The following ESRRG variants were observed in gnomAD, a reference collection of about 807,000 sequenced individuals.
ESRRG encodes the protein estrogen related receptor gamma.
Under a neutral mutation model 44.0 loss-of-function variants are expected in ESRRG, and 13 were observed. The ratio of observed to expected loss-of-function variants is 0.30; its 90% CI spans 0.19 to 0.47. The LOEUF is 0.47. ESRRG is among the 20% of genes least tolerant of loss of function. The probability of loss-of-function intolerance (pLI) is 1.00; values close to 1 mark genes in which losing one functional copy is unlikely to be tolerated. For synonymous variants in ESRRG, 215 were observed against 214.6 expected, an observed-to-expected ratio of 1.00 and a Z score of -0.02; for missense variants, 395 against 580.6, an observed-to-expected ratio of 0.68 and a Z score of 3.29.
chr1:216,604,799 T>C (rs2059708596), intron 3 of ESRRG, among the ~76,000 whole-genome samples: 1 of 152,238 alleles, frequency 6.6e-6, no homozygotes, highest in Non-Finnish European at 1.5e-5. Context: ...AATATTTGCC[T>C]GTTGTTCCTT....
intron 2 of ESRRG, among the ~76,000 whole-genome samples, chr1:216,838,342 G>T (rs2095600282): frequency 6.6e-6 from 1 of 152,142 alleles, no homozygotes; most frequent in Non-Finnish European, 1.5e-5. Flanking sequence ...TAAAAGTGTT[G>T]TCTTTAGTAC....
intron 2 of ESRRG, 151 bp downstream of exon 2, chr1:216,676,925 C>A: frequency 4.9e-6 from 3 of 618,068 alleles, no homozygotes; most frequent in South Asian, 4.2e-5. Flanking sequence ...TTCTATAAAT[C>A]TTCCACTATC....
At chr1:216,677,602 A>G in intron 1 of ESRRG, 111 bp from the exon 2 acceptor site, 1 of 948,718 alleles carries the variant, frequency 1.1e-6, no homozygotes, top group Non-Finnish European at 1.5e-6. Context: ...AGGGAAAGGG[A>G]AAGGTAAAAG....
chr1:216,702,064 A>C (rs896671796), intron 1 of ESRRG, among the ~76,000 whole-genome samples: 1 of 152,212 alleles, frequency 6.6e-6, no homozygotes, highest in African/African-American at 2.4e-5. Context: ...GATAATTATA[A>C]AGTCAGAATT....
At chr1:216,550,317 C>A (rs939408696) in intron 5 of ESRRG, among the ~76,000 whole-genome samples, 1 of 152,060 alleles carries the variant, frequency 6.6e-6, no homozygotes, top group African/African-American at 2.4e-5. Flanking sequence ...GGTTACTTAC[C>A]GATGTGACAC....
intron 1 of ESRRG, among the ~76,000 whole-genome samples, chr1:217,107,730 G>C (rs898593947): frequency 6.6e-6 from 1 of 152,136 alleles, no homozygotes; most frequent in Non-Finnish European, 1.5e-5. Context: ...ATGCACAAGG[G>C]CCATAGGATT....
intron 1 of ESRRG, among the ~76,000 whole-genome samples, chr1:216,692,444 T>C (rs192330893): frequency 3.3e-5 from 5 of 152,270 alleles, no homozygotes; most frequent in Admixed American, 2.6e-4. Flanking sequence ...AGTACAACTG[T>C]ACATGTTTGT....
intron 3 of ESRRG, among the ~76,000 whole-genome samples, chr1:216,588,466 C>G (rs527835484): frequency 1.3e-3 from 198 of 152,154 alleles, no homozygotes; most frequent in African/African-American, 4.3e-3. Flanking sequence ...AATTTTATGG[C>G]CTTTATGTTC....
intron 2 of ESRRG, among the ~76,000 whole-genome samples, chr1:216,858,553 A>G (rs555569007): frequency 6.6e-6 from 1 of 152,198 alleles, no homozygotes; most frequent in African/African-American, 2.4e-5. Flanking sequence ...AATGCTGGGC[A>G]TGGGCAGACC....
upstream of ESRRG, among the ~76,000 whole-genome samples, chr1:216,726,247 T>C (rs375121135): frequency 2.0e-5 from 3 of 152,196 alleles, no homozygotes; most frequent in African/African-American, 7.2e-5. Flanking sequence ...TATTTTCCCC[T>C]TGGGATCAAA....
intron 6 of ESRRG, among the ~76,000 whole-genome samples, chr1:216,515,271 A>G (rs1374466787): frequency 6.6e-6 from 1 of 151,976 alleles, no homozygotes; most frequent in African/African-American, 2.4e-5. Flanking sequence ...ACGTATGTAT[A>G]TATGTGTGTG....
At chr1:216,720,594 T>C (rs2086036823) in intron 1 of ESRRG, among the ~76,000 whole-genome samples, 1 of 152,096 alleles carries the variant, frequency 6.6e-6, no homozygotes, top group African/African-American at 2.4e-5. Flanking sequence ...ACTGTATAAA[T>C]TTTTTCTTTC....
At chr1:217,022,132 C>A (rs1252868421) in intron 1 of ESRRG, among the ~76,000 whole-genome samples, 1 of 152,170 alleles carries the variant, frequency 6.6e-6, no homozygotes, top group South Asian at 2.1e-4. Context: ...AAAAATAAGG[C>A]CATGAAATAA....
chr1:216,981,770 A>G (rs2074017089), intron 1 of ESRRG, among the ~76,000 whole-genome samples: 1 of 152,012 alleles, frequency 6.6e-6, no homozygotes, highest in Non-Finnish European at 1.5e-5. Context: ...GCATTTTCCA[A>G]ACCAAGACTT....
chr1:216,641,380 G>A (rs2066390879), intron 3 of ESRRG, among the ~76,000 whole-genome samples: 3 of 152,162 alleles, frequency 2.0e-5, no homozygotes, highest in Admixed American at 1.3e-4. Context: ...TGAGCCACAC[G>A]GATTACATGC....
intron 1 of ESRRG, among the ~76,000 whole-genome samples, chr1:217,040,720 G>T (rs1313584631): frequency 6.6e-6 from 1 of 152,052 alleles, no homozygotes; most frequent in Non-Finnish European, 1.5e-5. Context: ...AATTAAGGAG[G>T]TTCAGTAATT....
At position 216,709,056 on chromosome 1, in the gene ESRRG, G is replaced by A. The variant is rs540681752; in HGVS notation, c.56+14188C>T. On this transcript the variant is annotated intron_variant, in intron 1 of 6. Coordinates refer to ENST00000408911, the MANE Select transcript of ESRRG (RefSeq NM_001438.4). ...CAGGGAGGGGAACAACACACACTGGGGCCTGCAGGAGAGTGGGGGGCTAAG... is the reference window on the plus strand; with the variant it reads ...CAGGGAGGGGAACAACACACACTGGAGCCTGCAGGAGAGTGGGGGGCTAAG... Among the ~76,000 whole-genome samples the A allele has an allele frequency of 3.3e-5, 5 of 152,044 alleles. No homozygotes were observed. The East Asian group carries it at 9.7e-4, about 29-fold the overall frequency.
chr1:217,119,617 T>C (rs988755546), intron 1 of ESRRG, among the ~76,000 whole-genome samples: 2 of 152,248 alleles, frequency 1.3e-5, no homozygotes, highest in African/African-American at 4.8e-5. Flanking sequence ...TCTAGCATGA[T>C]CTCTGTATTT....
At chr1:216,717,602 A>G (rs1243688215) in intron 1 of ESRRG, among the ~76,000 whole-genome samples, 1 of 151,830 alleles carries the variant, frequency 6.6e-6, no homozygotes, top group Non-Finnish European at 1.5e-5. Flanking sequence ...AGGAATTTTA[A>G]AAAGAACATG....
Sources: allele counts gnomAD v4.1 joint callset (sites outside exome capture counted in the v4.1 genomes callset), GRCh38; gene constraint gnomAD v4.1.1; transcripts MANE v1.5; gene names NCBI Gene and HGNC (gene_info 2026-07-23, HGNC 2026-07-21).